IFT88: variants seen among roughly 807,000 people sequenced by gnomAD.
IFT88 encodes the protein intraflagellar transport 88, also known as intraflagellar transport protein 88 homolog.
Under a neutral mutation model 119.5 loss-of-function variants are expected in IFT88, and 74 were observed. The ratio of observed to expected loss-of-function variants is 0.62; its 90% CI spans 0.51 to 0.75. The LOEUF (loss-of-function observed/expected upper bound fraction) is 0.75, where lower values mean the gene tolerates loss of function less well. Among genes scored for constraint, IFT88 ranks in the 30% least tolerant of loss-of-function variants. IFT88 has a pLI of 0.00. For missense variants in IFT88, 961 were observed against 977.7 expected, an observed-to-expected ratio of 0.98 and a Z score of 0.23; for synonymous variants, 279 against 316.7, an observed-to-expected ratio of 0.88 and a Z score of 1.26.
intron 24 of IFT88, among the ~76,000 whole-genome samples, chr13:20,685,100 T>C (rs1413151090): frequency 1.3e-5 from 2 of 152,246 alleles, no homozygotes; most frequent in African/African-American, 4.8e-5. Flanking sequence ...AGATTATAGA[T>C]TAGCTAGAAG....
intron 14 of IFT88, among the ~76,000 whole-genome samples, chr13:20,617,440 C>T (rs1057384530): frequency 1.4e-4 from 22 of 152,302 alleles, no homozygotes; most frequent in South Asian, 4.1e-4. Flanking sequence ...AAAGCCGATA[C>T]GTGCAGCCCT....
chr13:20,602,185 GTCAT>G, intron 12 of IFT88, among the ~76,000 whole-genome samples: 1 of 147,682 alleles, frequency 6.8e-6, no homozygotes, highest in Non-Finnish European at 1.5e-5. Flanking sequence ...AAGATTCCAT[GTCAT>G]TCATTAAGCA....
chr13:20,642,000 A>G (rs149499860), intron 18 of IFT88: 14 of 152,314 alleles, frequency 9.2e-5, no homozygotes, highest in African/African-American at 3.4e-4. Flanking sequence ...TGTTGCGCTA[A>G]TATCAGTTTC....
chr13:20,691,080 C>T lies in IFT88; in HGVS notation c.2380C>T (p.Pro794Ser). 6.2e-7 allele frequency: 1 copy of T among 1,613,852 alleles called. No individual in the cohort carries two copies. Among genetic ancestry groups the T allele is most frequent in the Non-Finnish European group, 8.5e-7 (1 of 1,179,874 alleles). Reference sequence around the variant, plus strand: ...TGCCTCCTATGTGGACCCACTTGGCCCTCAAATAGAACGACCAAAAACTGC... The same window carrying T: ...TGCCTCCTATGTGGACCCACTTGGCTCTCAAATAGAACGACCAAAAACTGC... ...IDASYVDPLGPQIERPKTAAK... is the reference protein window; with the variant it reads ...IDASYVDPLGSQIERPKTAAK... The change falls in exon 26 of 26, where the codon CCT becomes TCT. Residue 794 changes from proline (P) to serine (S), a missense_variant. Pro to Ser is a moderately conservative substitution (Grantham distance 74). Transcript: ENST00000351808.
rs759800940 is a variant in IFT88, at chr13:20,591,696, C to T, written c.328+15C>T. 1.3e-6 allele frequency: 2 copies of T among 1,559,218 alleles called. No homozygotes were observed. The highest frequency in any genetic ancestry group is 1.8e-6 in the Non-Finnish European group (2 of 1,132,878). ...AGCTTTGAGAGGTTTGTTACACTGT[C>T]TCTACTAATAATCTTTTTTGGATCT... On this transcript the variant is annotated intron_variant, in intron 6 of 25. Transcript: ENST00000351808.
intron 13 of IFT88, among the ~76,000 whole-genome samples, chr13:20,614,068 T>C (rs1311271735): frequency 2.6e-5 from 4 of 152,216 alleles, no homozygotes; most frequent in Non-Finnish European, 5.9e-5. Context: ...AACCATTGCA[T>C]TGTAGACTTT....
chr13:20,659,908 C>T (rs2053511194), intron 22 of IFT88, among the ~76,000 whole-genome samples: 1 of 152,160 alleles, frequency 6.6e-6, no homozygotes, highest in South Asian at 2.1e-4. Flanking sequence ...TCCCAAAGTG[C>T]TGGGATTACA....
chr13:20,635,313 A>G (rs2048853031), intron 16 of IFT88, among the ~76,000 whole-genome samples: 1 of 152,156 alleles, frequency 6.6e-6, no homozygotes, highest in Admixed American at 6.5e-5. Flanking sequence ...AAATTTCTGA[A>G]TGAAAAGACA....
At chr13:20,620,827 C>T (rs1482593803) in intron 14 of IFT88, among the ~76,000 whole-genome samples, 3 of 152,112 alleles carry the variant, frequency 2.0e-5, no homozygotes, top group African/African-American at 4.8e-5. Context: ...CCACATCCAG[C>T]TGGTAGGACA....
chr13:20,690,583 C>T, intron 24 of IFT88, 122 bp from the exon 25 acceptor site: 1 of 622,256 alleles, frequency 1.6e-6, no homozygotes, highest in Non-Finnish European at 2.9e-6. Flanking sequence ...CCCTAAGAAG[C>T]TGGCTTCCAA....
chr13:20,666,069 C>T (rs1418748719), intron 23 of IFT88, among the ~76,000 whole-genome samples: 2 of 152,144 alleles, frequency 1.3e-5, no homozygotes, highest in African/African-American at 4.8e-5. Flanking sequence ...AGTAACTGCT[C>T]CTTGTTCCAT....
chr13:20,656,122 TAAA>T (rs60352862), intron 21 of IFT88, among the ~76,000 whole-genome samples: 5 of 104,784 alleles, frequency 4.8e-5, no homozygotes, highest in East Asian at 2.9e-4. Context: ...CTCGTCTCTT[TAAA>T]AAAAAAAAAA....
chr13:20,628,659 T>G (rs1430260726), intron 15 of IFT88, among the ~76,000 whole-genome samples: 2 of 152,216 alleles, frequency 1.3e-5, no homozygotes, highest in Non-Finnish European at 1.5e-5. Flanking sequence ...CGAGTGTTCC[T>G]TTTATTAGAA....
chr13:20,615,476 T>C (rs944381793), intron 13 of IFT88, among the ~76,000 whole-genome samples: 1 of 152,210 alleles, frequency 6.6e-6, no homozygotes, highest in African/African-American at 2.4e-5. Flanking sequence ...GTGTCTGCAG[T>C]GTAGGCTACG....
intron 24 of IFT88, among the ~76,000 whole-genome samples, chr13:20,685,259 G>A (rs2057784952): frequency 6.6e-6 from 1 of 152,092 alleles, no homozygotes; most frequent in Non-Finnish European, 1.5e-5. Flanking sequence ...GGGGTGGGGG[G>A]GCCAGGTTTT....
At chr13:20,584,502 T>C (rs1343287557) in intron 3 of IFT88, among the ~76,000 whole-genome samples, 1 of 152,202 alleles carries the variant, frequency 6.6e-6, no homozygotes, top group Non-Finnish European at 1.5e-5. Flanking sequence ...CCTCAAAACA[T>C]TGGGGCTTAA....
intron 12 of IFT88, among the ~76,000 whole-genome samples, chr13:20,602,974 A>T (rs535045376): frequency 1.3e-5 from 2 of 152,336 alleles, no homozygotes; most frequent in Admixed American, 1.3e-4. Flanking sequence ...ACACCTAGAG[A>T]AATATTATAT....
intron 15 of IFT88, among the ~76,000 whole-genome samples, chr13:20,627,762 A>G (rs2047586660): frequency 6.7e-6 from 1 of 150,304 alleles, no homozygotes; most frequent in African/African-American, 2.4e-5. Flanking sequence ...AAGGTTAAGA[A>G]TGCATTGCCA....
At chr13:20,570,287 T>C (rs1390746004) in intron 1 of IFT88, among the ~76,000 whole-genome samples, 1 of 152,202 alleles carries the variant, frequency 6.6e-6, no homozygotes, top group African/African-American at 2.4e-5. Flanking sequence ...TGTAAAATAG[T>C]GCAGCCACTT....
Sources: gnomAD v4.1 joint callset for allele counts (sites outside exome capture counted in the v4.1 genomes callset) on GRCh38, gnomAD v4.1.1 for gene constraint, MANE v1.5 for transcripts, NCBI Gene and HGNC (gene_info 2026-07-23, HGNC 2026-07-21) for gene names.